The following SIL1 variants were observed in gnomAD, a reference collection of about 807,000 sequenced individuals.
SIL1 encodes the protein SIL1 nucleotide exchange factor.
SIL1 carries 40 observed loss-of-function variants against 49.1 expected under a neutral mutation model. The observed-to-expected ratio is 0.81, with a 90% CI of 0.63 to 1.06. The LOEUF (loss-of-function observed/expected upper bound fraction) is 1.06, where lower values mean the gene tolerates loss of function less well. Ranked by LOEUF, SIL1 falls within the 50% of genes least tolerant of loss-of-function variation. The pLI, the probability that SIL1 is intolerant of heterozygous loss-of-function variation, is 0.00. For synonymous variants in SIL1, 253 were observed against 250.8 expected, an observed-to-expected ratio of 1.01 and a Z score of -0.08; for missense variants, 500 against 572.6, an observed-to-expected ratio of 0.87 and a Z score of 1.29.
chr5:139,164,106 G>A (rs192270794), intron 1 of SIL1, among the ~76,000 whole-genome samples: 1,291 of 118,502 alleles, frequency 0.011, 14 homozygotes, highest in Admixed American at 0.019. Flanking sequence ...GCAACAACAA[G>A]AGAATGTCTC....
chr5:138,960,433 T>A (rs1766993374), intron 7 of SIL1, among the ~76,000 whole-genome samples: 1 of 150,386 alleles, frequency 6.6e-6, no homozygotes. Flanking sequence ...TTTTTTTTTT[T>A]TTGATTCAGA....
chr5:139,067,409 G>A (rs1769730349), intron 3 of SIL1, among the ~76,000 whole-genome samples: 1 of 152,138 alleles, frequency 6.6e-6, no homozygotes, highest in African/African-American at 2.4e-5. Flanking sequence ...TATCACCTCT[G>A]ATAACAGGAT....
intron 3 of SIL1, among the ~76,000 whole-genome samples, chr5:139,063,236 G>A (rs897278392): frequency 6.6e-6 from 1 of 152,198 alleles, no homozygotes; most frequent in Non-Finnish European, 1.5e-5. Flanking sequence ...GGCCCTGCCA[G>A]CCCTCCTACT....
intron 3 of SIL1, among the ~76,000 whole-genome samples, chr5:139,071,660 A>G (rs1463790574): frequency 2.0e-5 from 3 of 146,408 alleles, no homozygotes; most frequent in African/African-American, 5.0e-5. Flanking sequence ...ACCTTTTATT[A>G]TTAGCATTTT....
chr5:139,022,440 G>A (rs1768549529), intron 6 of SIL1: 1 of 152,236 alleles, frequency 6.6e-6, no homozygotes, highest in Admixed American at 6.5e-5. Flanking sequence ...ACATTTGGAT[G>A]GAATCTCCAT....
intron 1 of SIL1, among the ~76,000 whole-genome samples, chr5:139,140,339 A>C (rs554658102): frequency 6.6e-6 from 1 of 152,308 alleles, no homozygotes; most frequent in East Asian, 1.9e-4. Context: ...GTACTCCTTA[A>C]ACTAATTGGG....
At chr5:139,019,198 A>G (rs755734524) in intron 7 of SIL1, among the ~76,000 whole-genome samples, 2 of 152,240 alleles carry the variant, frequency 1.3e-5, no homozygotes, top group Non-Finnish European at 2.9e-5. Flanking sequence ...TGGCAGGTGT[A>G]TACACACCTG....
At chr5:139,152,014 G>A (rs1362853716) in intron 1 of SIL1, among the ~76,000 whole-genome samples, 1 of 152,204 alleles carries the variant, frequency 6.6e-6, no homozygotes, top group Non-Finnish European at 1.5e-5. Context: ...AGCAGAAGAA[G>A]GTGCAGTGGC....
intron 1 of SIL1, among the ~76,000 whole-genome samples, chr5:139,164,290 TA>T (rs1751575139): frequency 1.3e-5 from 2 of 152,106 alleles, no homozygotes; most frequent in African/African-American, 4.8e-5. Context: ...CTACTTTCTC[TA>T]ATGACTCCAT....
chr5:138,960,207 A>G (rs1027397387), intron 7 of SIL1, among the ~76,000 whole-genome samples: 1 of 152,148 alleles, frequency 6.6e-6, no homozygotes, highest in Non-Finnish European at 1.5e-5. Flanking sequence ...ACTGTCATGT[A>G]TCTTACATGG....
At chr5:139,097,857 A>C (rs956206440) in intron 3 of SIL1, among the ~76,000 whole-genome samples, 1 of 152,192 alleles carries the variant, frequency 6.6e-6, no homozygotes, top group Non-Finnish European at 1.5e-5. Flanking sequence ...TTACACACTA[A>C]AATTAAATAT....
At chr5:139,126,440 G>A (rs1344421738) in intron 2 of SIL1, among the ~76,000 whole-genome samples, 2 of 152,176 alleles carry the variant, frequency 1.3e-5, no homozygotes, top group African/African-American at 4.8e-5. Context: ...AGCTCACGAT[G>A]GGGAGCATGG....
chr5:139,052,482 C>T (rs967574883), intron 3 of SIL1, among the ~76,000 whole-genome samples: 1 of 152,062 alleles, frequency 6.6e-6, no homozygotes, highest in Non-Finnish European at 1.5e-5. Context: ...GTCAGGAGTT[C>T]GAGACCAGCC....
At chr5:139,155,586 A>G (rs1037457443) in intron 1 of SIL1, 3 of 152,214 alleles carry the variant, frequency 2.0e-5, no homozygotes, top group Non-Finnish European at 4.4e-5. Context: ...CTTTACACCA[A>G]ATACAGCCAC....
At chr5:139,087,213 G>C (rs1770242615) in intron 3 of SIL1, among the ~76,000 whole-genome samples, 1 of 152,036 alleles carries the variant, frequency 6.6e-6, no homozygotes, top group Non-Finnish European at 1.5e-5. Context: ...CCAGACCCCA[G>C]GATCCTAACT....
intron 3 of SIL1, among the ~76,000 whole-genome samples, chr5:139,093,184 C>T (rs535371830): frequency 4.6e-5 from 7 of 152,340 alleles, no homozygotes; most frequent in South Asian, 2.1e-4. Context: ...CCAGCACCTG[C>T]TCTGTCACCA....
At position 138,995,468 on chromosome 5, in the gene SIL1, C is replaced by T. The variant is rs552546799; in HGVS notation, c.767+25703G>A. On this transcript the variant is annotated intron_variant, in intron 7 of 9. Coordinates refer to ENST00000394817, the MANE Select transcript of SIL1 (RefSeq NM_022464.5). ...GTTGGTCAGGCTGGTCTCAAACTCC[C>T]GACCTCAGGTGATCCGCCCACCTTG... Among the ~76,000 whole-genome samples, 416 of 151,986 alleles carry T rather than the reference C, an allele frequency of 2.7e-3. 2 individuals are homozygous for T. Among genetic ancestry groups the T allele is most frequent in the Middle Eastern group, 0.014 (4 of 294 alleles).
At chr5:139,042,929 G>C (rs188738823) in intron 4 of SIL1, among the ~76,000 whole-genome samples, 1 of 152,166 alleles carries the variant, frequency 6.6e-6, no homozygotes, top group South Asian at 2.1e-4. Context: ...CCAGGGGTTC[G>C]AGGCTGTGGT....
At chr5:139,015,468 CATTACCTCTCAT>C (rs1308817059) in intron 7 of SIL1, among the ~76,000 whole-genome samples, 1 of 152,190 alleles carries the variant, frequency 6.6e-6, no homozygotes, top group African/African-American at 2.4e-5. Flanking sequence ...AAAGACATTT[CATTACCTCTCAT>C]AAGAAAAATC....
Sources: gnomAD v4.1 joint callset for allele counts (sites outside exome capture counted in the v4.1 genomes callset) on GRCh38, gnomAD v4.1.1 for gene constraint, MANE v1.5 for transcripts, NCBI Gene and HGNC (gene_info 2026-07-23, HGNC 2026-07-21) for gene names.